The following INSL6 variants were observed in gnomAD, a reference collection of about 807,000 sequenced individuals.
INSL6 encodes the protein insulin-like peptide INSL6.
A neutral mutation model predicts 9.4 loss-of-function variants in INSL6; 16 were observed. That is an observed-to-expected ratio of 1.70 (90% confidence interval 1.15 to 2.59). The LOEUF (loss-of-function observed/expected upper bound fraction) is 2.59. Among genes scored for constraint, INSL6 ranks in the 30% most tolerant of loss-of-function variants. The pLI, the probability that INSL6 is intolerant of heterozygous loss-of-function variation, is 0.00. For missense variants in INSL6, 391 were observed against 257.3 expected (o/e 1.52, Z -3.56); for synonymous variants, 154 against 96.9 (o/e 1.59, Z -3.46).
chr9:5,085,818 G>C, the INSL6 span: 3 of 758,796 alleles, frequency 4.0e-6, no homozygotes, highest in Middle Eastern at 2.3e-4. Context: ...CACAATAATT[G>C]ATCGAAAGGC....
the INSL6 span, among the ~76,000 whole-genome samples, chr9:5,034,810 C>G: frequency 6.6e-6 from 1 of 152,246 alleles, no homozygotes; most frequent in East Asian, 1.9e-4. Context: ...GACACCCTAA[C>G]ATCACAATTA....
chr9:5,124,859 T>C (rs1323488127), intron 3 of INSL6, among the ~76,000 whole-genome samples: 1 of 151,556 alleles, frequency 6.6e-6, no homozygotes, highest in Non-Finnish European at 1.5e-5. Flanking sequence ...AGCCTAGGAC[T>C]CACTTTAGAG....
At chr9:5,002,312 T>C in the INSL6 span, among the ~76,000 whole-genome samples, 1 of 152,090 alleles carries the variant, frequency 6.6e-6, no homozygotes, top group Admixed American at 6.5e-5. Context: ...CTATTTTAGC[T>C]GTATTCCCCC....
downstream of INSL6, chr9:5,122,964 T>C (rs1262777150): frequency 7.7e-7 from 1 of 1,293,718 alleles, no homozygotes; most frequent in East Asian, 2.3e-5. Context: ...AGTCCACATA[T>C]CAAGTAACTG....
chr9:5,025,253 T>C, the INSL6 span, among the ~76,000 whole-genome samples: 1 of 152,216 alleles, frequency 6.6e-6, no homozygotes, highest in Non-Finnish European at 1.5e-5. Context: ...TTAAGATTTT[T>C]CTATCTATAT....
chr9:5,031,299 T>A, the INSL6 span, among the ~76,000 whole-genome samples: 2 of 152,208 alleles, frequency 1.3e-5, no homozygotes, highest in South Asian at 4.1e-4. Flanking sequence ...CCAGGAGATA[T>A]TTTCACATTA....
At chr9:5,057,555 A>G in the INSL6 span, among the ~76,000 whole-genome samples, 2 of 148,212 alleles carry the variant, frequency 1.3e-5, no homozygotes, top group African/African-American at 5.0e-5. Context: ...CCTCTTCCCA[A>G]TCCTTGCAAC....
chr9:5,159,375 A>AG (rs1586868239), downstream of INSL6, among the ~76,000 whole-genome samples: 1 of 151,936 alleles, frequency 6.6e-6, no homozygotes, highest in East Asian at 1.9e-4. Flanking sequence ...TTTTTTTAAA[A>AG]AAAGGATCGA....
chr9:5,151,995 T>C (rs1044478501), intron 2 of INSL6, among the ~76,000 whole-genome samples: 2 of 152,012 alleles, frequency 1.3e-5, no homozygotes, highest in Non-Finnish European at 2.9e-5. Context: ...ATATTAGCAG[T>C]GATAAAAGGA....
chr9:5,106,858 T>G, the INSL6 span, among the ~76,000 whole-genome samples: 2 of 152,034 alleles, frequency 1.3e-5, no homozygotes, highest in African/African-American at 2.4e-5. Flanking sequence ...ATGAGAACAC[T>G]TGGACACATG....
chr9:5,035,510 C>A, the INSL6 span, among the ~76,000 whole-genome samples: 1 of 152,306 alleles, frequency 6.6e-6, no homozygotes, highest in East Asian at 1.9e-4. Context: ...CCGAATCCAG[C>A]AGCACATCAA....
chr9:5,023,604 A>C, the INSL6 span, among the ~76,000 whole-genome samples: 53,808 of 152,032 alleles, frequency 0.35, 10,381 homozygotes, highest in African/African-American at 0.52. Flanking sequence ...GGGCATCTCT[A>C]ACTTAACCTT....
chr9:5,148,324 G>C (rs1004525487), intron 2 of INSL6, among the ~76,000 whole-genome samples: 38 of 152,174 alleles, frequency 2.5e-4, no homozygotes, highest in Admixed American at 2.4e-3. Context: ...TTTCGGCTGT[G>C]ATCCAGGAGA....
downstream of INSL6, among the ~76,000 whole-genome samples, chr9:5,163,372 A>C (rs1390246235): frequency 1.3e-5 from 2 of 152,172 alleles, no homozygotes; most frequent in Non-Finnish European, 2.9e-5. Context: ...AGATTCACTA[A>C]ACTCTCTTTT....
the INSL6 span, chr9:5,066,731 A>G: frequency 2.5e-6 from 4 of 1,608,078 alleles, no homozygotes; most frequent in Non-Finnish European, 2.5e-6. Flanking sequence ...ACTGGACTGT[A>G]TGTACTTCGA....
Position 5,185,368 on chromosome 9 carries a change from G to C in INSL6, c.235C>G (p.Gln79Glu), listed in dbSNP as rs140609583. Residue 79 changes from glutamine (Q) to glutamate (E), a missense_variant, in exon 1 of 2, where the codon CAG becomes GAG. By Grantham distance (29) the Gln-to-Glu change is conservative. Transcript: ENST00000381641. Reference protein sequence around the residue: ...SEKVEAYSPYQFESPQTASPA... With the variant: ...SEKVEAYSPYEFESPQTASPA... The stretch of plus-strand genomic sequence containing the variant: ...GAAGCGGTTTGCGGGCTTTCGAACT[G>C]GTATGGGCTGTAGGCTTCGACCTTC... The C allele has an allele frequency of 2.4e-4, 381 of 1,613,998 alleles. 2 individuals carry two copies. The highest frequency in any genetic ancestry group is 2.0e-4 in the Admixed American group (12 of 60,006).
At chr9:5,140,202 C>T (rs1824470071) in intron 2 of INSL6, among the ~76,000 whole-genome samples, 2 of 152,038 alleles carry the variant, frequency 1.3e-5, no homozygotes, top group African/African-American at 4.8e-5. Context: ...ACTGCAAAAC[C>T]ATTTTGTATA....
chr9:5,100,843 C>T, the INSL6 span: 1 of 152,342 alleles, frequency 6.6e-6, no homozygotes, highest in East Asian at 1.9e-4. Flanking sequence ...CACAGGCTTT[C>T]ATGGATTTCA....
chr9:5,029,609 G>T, the INSL6 span, among the ~76,000 whole-genome samples: 2 of 152,216 alleles, frequency 1.3e-5, no homozygotes, highest in African/African-American at 2.4e-5. Flanking sequence ...TATAAAAAAA[G>T]ATTGTGATTA....
Sources: gnomAD v4.1 joint callset for allele counts (sites outside exome capture counted in the v4.1 genomes callset) on GRCh38, gnomAD v4.1.1 for gene constraint, MANE v1.5 for transcripts, NCBI Gene and HGNC (gene_info 2026-07-23, HGNC 2026-07-21) for gene names.